Variants in THSD7B observed in about 807,000 individuals in gnomAD.
THSD7B encodes the protein thrombospondin type 1 domain containing 7B, also known as thrombospondin type-1 domain-containing protein 7B.
In THSD7B, 138 loss-of-function variants were observed where a neutral mutation model predicts 213.6. That is an observed-to-expected ratio of 0.65 (90% CI 0.56 to 0.74). The LOEUF (loss-of-function observed/expected upper bound fraction) is 0.74. Ranked by LOEUF, THSD7B falls within the 30% of genes least tolerant of loss-of-function variation. The pLI, the probability that THSD7B is intolerant of heterozygous loss-of-function variation, is 0.00. For missense variants in THSD7B, 1,931 were observed against 1,991.5 expected (o/e 0.97, Z 0.58); for synonymous variants, 742 against 687.0 (o/e 1.08, Z -1.25).
chr2:137,013,453 T>G (rs1243070256), intron 2 of THSD7B, among the ~76,000 whole-genome samples: 2 of 152,106 alleles, frequency 1.3e-5, no homozygotes, highest in Non-Finnish European at 2.9e-5. Context: ...GCTAGAGTTC[T>G]TAGGATAGGG....
At chr2:136,860,751 T>A (rs1045936515) in intron 1 of THSD7B, among the ~76,000 whole-genome samples, 4 of 152,242 alleles carry the variant, frequency 2.6e-5, no homozygotes, top group Non-Finnish European at 5.9e-5. Flanking sequence ...GAGATCCTGC[T>A]AAAATGTAAG....
intron 27 of THSD7B, among the ~76,000 whole-genome samples, chr2:137,671,922 A>C (rs546573686): frequency 1.3e-5 from 2 of 152,120 alleles, no homozygotes; most frequent in Non-Finnish European, 2.9e-5. Flanking sequence ...CTTTTTAAAC[A>C]GTCTGGAATA....
intron 21 of THSD7B, among the ~76,000 whole-genome samples, chr2:137,647,015 C>T (rs376051559): frequency 6.6e-6 from 1 of 152,056 alleles, no homozygotes; most frequent in African/African-American, 2.4e-5. Context: ...CATTCTATAC[C>T]ATCCTGCACC....
At chr2:136,848,959 C>G (rs1683052914) in intron 1 of THSD7B, among the ~76,000 whole-genome samples, 1 of 152,082 alleles carries the variant, frequency 6.6e-6, no homozygotes, top group African/African-American at 2.4e-5. Context: ...GAGCCTAGCA[C>G]TTTATGGCAT....
At chr2:137,481,615 A>C (rs1688307221) in intron 15 of THSD7B, among the ~76,000 whole-genome samples, 1 of 152,246 alleles carries the variant, frequency 6.6e-6, no homozygotes, top group Non-Finnish European at 1.5e-5. Flanking sequence ...GATATTGCAA[A>C]AGCAGCCATG....
At chr2:137,231,336 C>G in intron 8 of THSD7B, 101 bp downstream of exon 8, 5 of 1,115,860 alleles carry the variant, frequency 4.5e-6, no homozygotes, top group Non-Finnish European at 6.4e-6. Flanking sequence ...AATAGTCACA[C>G]ATAGACGATA....
chr2:136,933,447 C>A (rs917028696), intron 2 of THSD7B, among the ~76,000 whole-genome samples: 1 of 152,022 alleles, frequency 6.6e-6, no homozygotes, highest in African/African-American at 2.4e-5. Context: ...GGCATGGTAG[C>A]TGGCGCCTGT....
intron 17 of THSD7B, among the ~76,000 whole-genome samples, chr2:137,581,759 C>CAAA (rs1205000745): frequency 2.0e-5 from 2 of 102,532 alleles, no homozygotes; most frequent in East Asian, 5.6e-4. Context: ...GACTCCGTCT[C>CAAA]AAAAAAAAAA....
chr2:137,453,920 T>C (rs1194314133), intron 15 of THSD7B, among the ~76,000 whole-genome samples: 1 of 152,208 alleles, frequency 6.6e-6, no homozygotes, highest in African/African-American at 2.4e-5. Flanking sequence ...GTTGCATCCA[T>C]GTAGTCTCAA....
chr2:137,277,331 C>G (rs1682898506), intron 12 of THSD7B, among the ~76,000 whole-genome samples: 1 of 152,096 alleles, frequency 6.6e-6, no homozygotes, highest in South Asian at 2.1e-4. Flanking sequence ...AGATTTCTAG[C>G]TGGATGCCTG....
chr2:136,884,122 A>C (rs1669309129), intron 2 of THSD7B, among the ~76,000 whole-genome samples: 1 of 119,324 alleles, frequency 8.4e-6, no homozygotes, highest in African/African-American at 3.0e-5. Flanking sequence ...TATGTGTATG[A>C]ATCACACAGA....
chr2:137,652,288 G>A lies in THSD7B; in HGVS notation c.3946-3213G>A, dbSNP rs534994535. Among the ~76,000 whole-genome samples the A allele has an allele frequency of 3.9e-5, 6 of 152,100 alleles. 1 individual carries two copies. The South Asian group carries it at 8.3e-4, about 21-fold the overall frequency. ...AGTTGCTATATCCTCTTGCTGAATT[G>A]ACACCTTTAATAGTGACCTTCTTTG... On this transcript the variant is annotated intron_variant, in intron 21 of 27. Coordinates refer to ENST00000409968, the MANE Select transcript of THSD7B (RefSeq NM_001316349.2).
In THSD7B at chr2:137,362,244, G is replaced by T. The variant is rs180940530; in HGVS notation, c.2501-43369G>T. Among the ~76,000 whole-genome samples the T allele has an allele frequency of 1.6e-3, 236 of 152,192 alleles. 5 individuals carry two copies. In the Middle Eastern group the frequency reaches 0.024, roughly 15 times the overall value. On this transcript the variant is annotated intron_variant, in intron 12 of 27. Coordinates refer to ENST00000409968, the MANE Select transcript of THSD7B (RefSeq NM_001316349.2). ...AACTCCTGAAGGAAGCACTAAACGT[G>T]GAAAGTAACAACCAGTACCAGCCAC...
At chr2:137,006,590 A>G (rs985744208) in intron 2 of THSD7B, among the ~76,000 whole-genome samples, 14 of 152,162 alleles carry the variant, frequency 9.2e-5, no homozygotes, top group African/African-American at 3.4e-4. Context: ...ACACTCCATT[A>G]TCAATGCAGA....
intron 4 of THSD7B, among the ~76,000 whole-genome samples, chr2:137,104,285 G>C (rs1688205020): frequency 1.3e-5 from 2 of 152,036 alleles, no homozygotes. Context: ...ATGACTACTG[G>C]GTAAATAATG....
intron 14 of THSD7B, among the ~76,000 whole-genome samples, chr2:137,426,600 G>A (rs1290032343): frequency 6.6e-6 from 1 of 152,072 alleles, no homozygotes; most frequent in Non-Finnish European, 1.5e-5. Flanking sequence ...AAATGGTATT[G>A]GATAAACTAG....
intron 2 of THSD7B, among the ~76,000 whole-genome samples, chr2:136,897,599 T>C (rs536200374): frequency 1.3e-5 from 2 of 152,228 alleles, no homozygotes; most frequent in African/African-American, 4.8e-5. Flanking sequence ...GCTTCCACAG[T>C]GTGGAAGGGG....
At chr2:137,461,203 T>A (rs1687877318) in intron 15 of THSD7B, among the ~76,000 whole-genome samples, 2 of 152,122 alleles carry the variant, frequency 1.3e-5, no homozygotes. Flanking sequence ...AATAGACACA[T>A]ATGTATGCAT....
chr2:136,962,741 G>A (rs1208663580), intron 2 of THSD7B, among the ~76,000 whole-genome samples: 1 of 152,136 alleles, frequency 6.6e-6, no homozygotes, highest in East Asian at 1.9e-4. Context: ...TCACAAAAAT[G>A]ATTGAAAGCA....
Sources: allele counts gnomAD v4.1 joint callset (sites outside exome capture counted in the v4.1 genomes callset), GRCh38; gene constraint gnomAD v4.1.1; transcripts MANE v1.5; gene names NCBI Gene and HGNC (gene_info 2026-07-23, HGNC 2026-07-21).